CD276: variants seen among roughly 807,000 people sequenced by gnomAD.
CD276 encodes the protein CD276 molecule.
A neutral mutation model predicts 50.0 loss-of-function variants in CD276; 34 were observed. The ratio of observed to expected loss-of-function variants is 0.68; its 90% CI spans 0.52 to 0.91. The LOEUF is 0.91. Among genes scored for constraint, CD276 ranks in the 40% least tolerant of loss-of-function variants. CD276 has a pLI of 0.00. For synonymous variants in CD276, 275 were observed against 313.0 expected, an observed-to-expected ratio of 0.88 and a Z score of 1.28; for missense variants, 634 against 717.5, an observed-to-expected ratio of 0.88 and a Z score of 1.33.
At chr15:73,689,474 A>G (rs1899905454) in intron 1 of CD276, among the ~76,000 whole-genome samples, 1 of 152,116 alleles carries the variant, frequency 6.6e-6, no homozygotes, top group Non-Finnish European at 1.5e-5. Context: ...TTATCAGGAA[A>G]AAGGAAGGCA....
At chr15:73,693,078 G>A (rs1047580496) in intron 1 of CD276, among the ~76,000 whole-genome samples, 5 of 152,164 alleles carry the variant, frequency 3.3e-5, no homozygotes, top group African/African-American at 1.2e-4. Flanking sequence ...AGCAGCACAG[G>A]TAGGAACACT....
Position 73,687,040 on chromosome 15 carries a change from G to C in CD276, c.-55+2580G>C, listed in dbSNP as rs1899798410. On this transcript the variant is annotated intron_variant, in intron 1 of 9. Coordinates refer to ENST00000318443, the MANE Select transcript of CD276 (RefSeq NM_001024736.2). This position sits in a 1 kb window ranked among gnomAD's most constrained non-coding sequence, Gnocchi z 4.0. ...AGGGCACACCCAGGGCCTAGGGGAG[G>C]GGGAGAGGGGTGAGGACTGGTCCAC... 2.6e-5 allele frequency among the ~76,000 whole-genome samples: 4 copies of C among 152,140 alleles called. No homozygotes were observed. The highest frequency in any genetic ancestry group is 7.2e-5 in the African/African-American group (3 of 41,408).
At chr15:73,708,297 G>A (rs757873058) in intron 6 of CD276, 42 bp from the exon 7 acceptor site, 3 of 1,606,010 alleles carry the variant, frequency 1.9e-6, no homozygotes, top group Non-Finnish European at 2.6e-6. Flanking sequence ...CGGGACATGG[G>A]GCCAGGCATG....
intron 1 of CD276, chr15:73,690,691 T>C (rs1363508315): frequency 4.4e-6 from 2 of 456,010 alleles, no homozygotes; most frequent in South Asian, 1.5e-5. Flanking sequence ...TTAATACTGT[T>C]ACAGTGGCAA....
At chr15:73,688,197 A>C (rs1899841678) in intron 1 of CD276, among the ~76,000 whole-genome samples, 1 of 152,016 alleles carries the variant, frequency 6.6e-6, no homozygotes, top group Non-Finnish European at 1.5e-5. Context: ...GGCCTGACAG[A>C]GGAGGTCTTG....
chr15:73,708,599 C>T, intron 7 of CD276, 126 bp downstream of exon 7: 1 of 1,139,832 alleles, frequency 8.8e-7, no homozygotes, highest in Non-Finnish European at 1.2e-6. Flanking sequence ...GCAGATGGGG[C>T]TGGATTTGTC....
chr15:73,685,217 G>T (rs1367455216), intron 1 of CD276: 1 of 151,978 alleles, frequency 6.6e-6, no homozygotes, highest in Non-Finnish European at 1.5e-5. Context: ...TGCGGGCGAC[G>T]GTGGAGGGAG....
At chr15:73,695,399 C>T (rs915028150) in intron 1 of CD276, among the ~76,000 whole-genome samples, 4 of 152,056 alleles carry the variant, frequency 2.6e-5, no homozygotes, top group Non-Finnish European at 5.9e-5. Flanking sequence ...GGGAGCTGCT[C>T]ATGACTTTTC....
Position 73,703,978 on chromosome 15 carries a change from C to T in CD276, c.1053C>T (p.Ala351=), listed in dbSNP as rs745660933. Residue 351 remains alanine (A), a synonymous_variant, in exon 5 of 10, where the codon GCC becomes GCT. Transcript: ENST00000318443. ...FVSIRDFGSA[A]VSLQVAAPYS... ...GCATCCGGGATTTCGGCAGCGCTGCCGTCAGCCTGCAGGTGGCCGGTGAGC... is the reference window on the plus strand; with the variant it reads ...GCATCCGGGATTTCGGCAGCGCTGCTGTCAGCCTGCAGGTGGCCGGTGAGC... 3.7e-6 allele frequency: 6 copies of T among 1,610,224 alleles called. 1 individual carries two copies. Among genetic ancestry groups the T allele is most frequent in the South Asian group, 3.3e-5 (3 of 90,922 alleles).
chr15:73,692,555 A>G (rs1900025420), intron 1 of CD276, among the ~76,000 whole-genome samples: 1 of 152,252 alleles, frequency 6.6e-6, no homozygotes. Flanking sequence ...AGCCTGGTGC[A>G]TGGCTTTCAA....
Position 73,703,667 on chromosome 15 carries a change from G to A in CD276, c.742G>A (p.Glu248Lys). 6.2e-7 allele frequency: 1 copy of A among 1,608,230 alleles called. No individual in the cohort carries two copies. Among genetic ancestry groups the A allele is most frequent in the Non-Finnish European group, 8.5e-7 (1 of 1,176,694 alleles). ...TPQRSPTGAV[E>K]VQVPEDPVVA... ...TCTGACCCCGCCCCCAGGAGCCGTGGAGGTCCAGGTCCCTGAGGACCCGGT... is the reference window on the plus strand; with the variant it reads ...TCTGACCCCGCCCCCAGGAGCCGTGAAGGTCCAGGTCCCTGAGGACCCGGT... The change falls in exon 5 of 10, where the codon GAG becomes AAG. Residue 248 changes from glutamate to lysine, a missense_variant. Physicochemically the swap from Glu to Lys is moderately conservative, Grantham distance 56. Transcript: ENST00000318443.
At chr15:73,691,881 T>G (rs540752389) in intron 1 of CD276, among the ~76,000 whole-genome samples, 13 of 152,322 alleles carry the variant, frequency 8.5e-5, no homozygotes, top group Non-Finnish European at 1.6e-4. Flanking sequence ...ATTTGTCTTC[T>G]GGCCCCTGGG....
chr15:73,703,379 G>T (rs1900496298), intron 4 of CD276, among the ~76,000 whole-genome samples: 1 of 152,076 alleles, frequency 6.6e-6, no homozygotes, highest in Admixed American at 6.5e-5. Flanking sequence ...CTGATGGCAG[G>T]ATTCACCAGG....
In CD276 at chr15:73,702,530, A is replaced by T; in HGVS notation, c.355A>T (p.Ser119Cys). The change falls in exon 3 of 10, where the codon AGC becomes TGC. Residue 119 changes from serine (S) to cysteine (C), a missense_variant. Transcript: ENST00000318443. ...GCGCGTGCGTGTGGCGGACGAGGGC[A>T]GCTTCACCTGCTTCGTGAGCATCCG... ...LQRVRVADEGSFTCFVSIRDF... is the reference protein window; with the variant it reads ...LQRVRVADEGCFTCFVSIRDF... 1 of 1,612,678 alleles carries T rather than the reference A, an allele frequency of 6.2e-7. No homozygotes were observed.
intron 1 of CD276, among the ~76,000 whole-genome samples, chr15:73,685,506 G>A (rs1244332537): frequency 6.6e-6 from 1 of 150,680 alleles, no homozygotes; most frequent in Non-Finnish European, 1.5e-5. Context: ...GCGGGTGGGG[G>A]GGTGTTAGTT....
rs1279440688 is a variant in CD276, at chr15:73,713,869, T to C, written c.*913T>C. The C allele has an allele frequency of 2.3e-6, 1 of 428,914 alleles. No homozygotes were observed. Among genetic ancestry groups the C allele is most frequent in the Non-Finnish European group, 4.6e-6 (1 of 217,030 alleles). 26.6% of individuals were successfully genotyped at this position (428,914 alleles called of 1,614,324 possible). ...GATGTTTATTGAGCAACTACAGATG[T>C]CAGCACTGTGTTAGGTGCTGGGGGC... On this transcript the variant is annotated 3_prime_UTR_variant, in exon 10 of 10. Transcript: ENST00000318443.
chr15:73,699,784 C>T (rs1167115532), intron 2 of CD276, 66 bp downstream of exon 2: 7 of 1,510,656 alleles, frequency 4.6e-6, no homozygotes, highest in Non-Finnish European at 6.2e-6. Context: ...GAGGGGGTGC[C>T]CACGCCTGTT....
intron 1 of CD276, chr15:73,685,013 G>A (rs1300393455): frequency 1.3e-5 from 2 of 152,440 alleles, no homozygotes; most frequent in Admixed American, 1.3e-4. Context: ...GCAGGGCGAA[G>A]GTGTGGGCGA....
At chr15:73,689,427 G>A (rs1899902872) in intron 1 of CD276, among the ~76,000 whole-genome samples, 2 of 151,996 alleles carry the variant, frequency 1.3e-5, no homozygotes, top group African/African-American at 4.8e-5. Context: ...GTGCCCAGTG[G>A]ACAGCCTTGA....
Sources: allele counts gnomAD v4.1 joint callset (sites outside exome capture counted in the v4.1 genomes callset), GRCh38; gene constraint gnomAD v4.1.1; non-coding constraint Gnocchi (gnomAD v3.1); transcripts MANE v1.5; gene names NCBI Gene and HGNC (gene_info 2026-07-23, HGNC 2026-07-21).